The following DLC1 variants were observed in gnomAD, a reference collection of about 807,000 sequenced individuals.
DLC1 encodes DLC1 Rho GTPase activating protein, also known as rho GTPase-activating protein 7.
A neutral mutation model predicts 140.3 loss-of-function variants in DLC1; 54 were observed. The observed-to-expected ratio is 0.38, with a 90% CI of 0.31 to 0.48. DLC1 has a LOEUF of 0.48. DLC1 is among the 20% of genes least tolerant of loss of function. DLC1 has a pLI of 0.96. For synonymous variants in DLC1, 986 were observed against 728.1 expected (o/e 1.35, Z -5.70); for missense variants, 2,536 against 1,907.0 (o/e 1.33, Z -6.14).
intron 1 of DLC1, among the ~76,000 whole-genome samples, chr8:13,531,257 T>C (rs1803088101): frequency 1.3e-5 from 2 of 152,200 alleles, no homozygotes; most frequent in African/African-American, 4.8e-5. Flanking sequence ...AACAGGCTAC[T>C]ACAGCATTTT....
intron 10 of DLC1, 61 bp downstream of exon 10, chr8:13,098,338 T>A (rs753228545): frequency 6.3e-7 from 1 of 1,593,104 alleles, no homozygotes; most frequent in Non-Finnish European, 8.6e-7. Context: ...GGGGACAACC[T>A]CAAGGAACTG....
At chr8:13,407,943 C>G (rs1215334095) in intron 2 of DLC1, among the ~76,000 whole-genome samples, 1 of 152,102 alleles carries the variant, frequency 6.6e-6, no homozygotes, top group Non-Finnish European at 1.5e-5. Context: ...CTAGACTTTC[C>G]TTTCTTAAAA....
chr8:13,214,719 A>C (rs140394159), intron 5 of DLC1: 1 of 780,988 alleles, frequency 1.3e-6, no homozygotes, highest in Non-Finnish European at 2.4e-6. Context: ...AGTTGGAAAA[A>C]TTGGATCCCT....
intron 4 of DLC1, among the ~76,000 whole-genome samples, chr8:13,317,039 A>G (rs1050693338): frequency 1.3e-5 from 2 of 152,188 alleles, no homozygotes; most frequent in Non-Finnish European, 2.9e-5. Flanking sequence ...TAAGTGAAGA[A>G]AGTCTTACAA....
chr8:13,181,360 A>G (rs193088687), intron 5 of DLC1, among the ~76,000 whole-genome samples: 266 of 138,424 alleles, frequency 1.9e-3, no homozygotes, highest in Middle Eastern at 4.3e-3. Context: ...GTAATACTTT[A>G]AGTTCTAGGG....
At chr8:13,314,798 C>T (rs760607471) in intron 4 of DLC1, among the ~76,000 whole-genome samples, 2 of 152,072 alleles carry the variant, frequency 1.3e-5, no homozygotes, top group African/African-American at 4.8e-5. Context: ...ATCTTGTTCA[C>T]TGAACTGGAA....
Position 13,131,149 on chromosome 8 carries a change from G to A in DLC1, c.1349-15492C>T, listed in dbSNP as rs368432457. Among the ~76,000 whole-genome samples, 28 of 152,254 alleles carry A rather than the reference G, an allele frequency of 1.8e-4. No individual in the cohort carries two copies. The East Asian group carries it at 1.9e-3, about 10-fold the overall frequency. ...GGCACCCCTCTGACCATCTGCTGCC[G>A]TCTGCAAGCCAAGATGGCAACTCCA... is the stretch of plus-strand genomic sequence containing the variant. On this transcript the variant is annotated intron_variant, in intron 5 of 17. Coordinates refer to ENST00000276297, the MANE Select transcript of DLC1 (RefSeq NM_182643.3).
At chr8:13,130,684 A>G (rs1822004153) in intron 5 of DLC1, among the ~76,000 whole-genome samples, 1 of 152,184 alleles carries the variant, frequency 6.6e-6, no homozygotes. Flanking sequence ...GTTTCTCATG[A>G]AATCTGCAAT....
intron 5 of DLC1, among the ~76,000 whole-genome samples, chr8:13,272,735 G>A (rs1008160618): frequency 3.9e-5 from 6 of 152,028 alleles, no homozygotes; most frequent in South Asian, 2.1e-4. Flanking sequence ...TTAGCTGGGC[G>A]TGGTGGTGGG....
In DLC1 at chr8:13,499,756, T is replaced by C. The variant is rs779317225; in HGVS notation, c.316A>G (p.Thr106Ala). ...TCCTCATCAGAAACATGCACTAGTG[T>C]TTCTGTGCTGGCTTCCAGAGAAAGA... is the stretch of plus-strand genomic sequence containing the variant. ...QFLSLEASTE[T>A]LVHVSDEDNN... The change falls in exon 2 of 18, where the codon ACA (threonine) becomes GCA (alanine). Residue 106 changes from threonine to alanine, a missense_variant. Transcript: ENST00000276297. The C allele has an allele frequency of 6.2e-7, 1 of 1,614,084 alleles. No homozygotes were observed. Among genetic ancestry groups the C allele is most frequent in the East Asian group, 2.2e-5 (1 of 44,874 alleles).
chr8:13,448,599 G>A lies in DLC1; in HGVS notation c.1024-46980C>T, dbSNP rs547867082. ...GCTGATCTCAAACTCCTGACCTCAG[G>A]TGATCCACCTCAGCTTCCCAAAGTG... On this transcript the variant is annotated intron_variant, in intron 2 of 17. Transcript: ENST00000276297. Among the ~76,000 whole-genome samples, 120 of 152,208 alleles carry A rather than the reference G, an allele frequency of 7.9e-4. 3 individuals are homozygous for A. In the South Asian group the frequency reaches 0.024, roughly 31 times the overall value.
intron 2 of DLC1, among the ~76,000 whole-genome samples, chr8:13,453,478 ATG>A (rs1554523108): frequency 2.0e-4 from 7 of 35,354 alleles, no homozygotes; most frequent in African/African-American, 1.0e-3. Context: ...ATACATATAT[ATG>A]TATATATATA....
At position 13,536,834 on chromosome 8, in the gene DLC1, T is replaced by G. The variant is rs555923161; in HGVS notation, c.-125-36638A>C. ...CTTCAATCTCCTTCCTTTTAATCCT[T>G]TGTAACTATGAAGTACCAGGCCATC... is the stretch of plus-strand genomic sequence containing the variant. On this transcript the variant is annotated intron_variant, in intron 1 of 1. Transcript: ENST00000631382. 2.0e-5 allele frequency among the ~76,000 whole-genome samples: 3 copies of G among 152,322 alleles called. No individual in the cohort carries two copies. In the South Asian group the frequency reaches 6.2e-4, roughly 32 times the overall value.
chr8:13,170,161 A>C (rs1296697190), intron 5 of DLC1, among the ~76,000 whole-genome samples: 1 of 152,218 alleles, frequency 6.6e-6, no homozygotes, highest in African/African-American at 2.4e-5. Flanking sequence ...AAGACATGCT[A>C]TACTAGAAAA....
intron 1 of DLC1, among the ~76,000 whole-genome samples, chr8:13,588,376 G>C (rs929261162): frequency 1.3e-5 from 2 of 152,028 alleles, no homozygotes; most frequent in African/African-American, 4.8e-5. Context: ...TTTTGAATTT[G>C]GTGTATGACA....
chr8:13,509,758 G>T (rs1563410111), intron 1 of DLC1, among the ~76,000 whole-genome samples: 1 of 152,102 alleles, frequency 6.6e-6, no homozygotes. Flanking sequence ...ATACATACTG[G>T]TGGGCAGGAA....
intron 1 of DLC1, among the ~76,000 whole-genome samples, chr8:13,520,694 A>G (rs1165462053): frequency 6.6e-6 from 1 of 152,172 alleles, no homozygotes; most frequent in Admixed American, 6.5e-5. Context: ...TATGTCTTAG[A>G]AGCGAATGAG....
At chr8:13,291,630 T>C (rs939207810) in intron 5 of DLC1, among the ~76,000 whole-genome samples, 3 of 152,204 alleles carry the variant, frequency 2.0e-5, no homozygotes, top group African/African-American at 7.2e-5. Context: ...TATAGTGACA[T>C]GGACAGTAAT....
chr8:13,282,112 C>A (rs1428111271), intron 5 of DLC1, among the ~76,000 whole-genome samples: 2 of 152,202 alleles, frequency 1.3e-5, no homozygotes, highest in African/African-American at 2.4e-5. Context: ...AACAACTCTA[C>A]TGGGCTAGAT....
Sources: allele counts gnomAD v4.1 joint callset (sites outside exome capture counted in the v4.1 genomes callset), GRCh38; gene constraint gnomAD v4.1.1; transcripts MANE v1.5; gene names NCBI Gene and HGNC (gene_info 2026-07-23, HGNC 2026-07-21).